SBF2: variants seen among roughly 807,000 people sequenced by gnomAD.
SBF2 encodes the protein SET binding factor 2, also known as myotubularin-related protein 13.
In SBF2, 112 loss-of-function variants were observed where a neutral mutation model predicts 225.2. That is an observed-to-expected ratio of 0.50 (90% confidence interval 0.43 to 0.58). SBF2 has a LOEUF of 0.58. SBF2 is among the 20% of genes least tolerant of loss of function. The probability of loss-of-function intolerance (pLI) is 0.00; values close to 1 mark genes in which losing one functional copy is unlikely to be tolerated. For missense variants in SBF2, 1,996 were observed against 2,206.2 expected (o/e 0.90, Z 1.91); for synonymous variants, 763 against 773.3 (o/e 0.99, Z 0.22).
At chr11:10,153,401 A>G (rs1955313391) in intron 2 of SBF2, among the ~76,000 whole-genome samples, 2 of 152,198 alleles carry the variant, frequency 1.3e-5, no homozygotes, top group Non-Finnish European at 2.9e-5. Flanking sequence ...AAAATCTCAC[A>G]ATATTAGGAA....
At chr11:10,220,048 T>C (rs1388154944) in intron 1 of SBF2, among the ~76,000 whole-genome samples, 1 of 152,210 alleles carries the variant, frequency 6.6e-6, no homozygotes, top group Non-Finnish European at 1.5e-5. Flanking sequence ...TCTGTTCTGA[T>C]GCTGCTAATA....
chr11:9,855,983 C>T (rs148587433), intron 19 of SBF2, among the ~76,000 whole-genome samples: 12 of 152,246 alleles, frequency 7.9e-5, no homozygotes, highest in Middle Eastern at 3.4e-3. Flanking sequence ...AGCCAGAGGA[C>T]GGATTCCGTT....
intron 2 of SBF2, among the ~76,000 whole-genome samples, chr11:10,045,375 C>T (rs1949814951): frequency 6.6e-6 from 1 of 152,064 alleles, no homozygotes; most frequent in Non-Finnish European, 1.5e-5. Flanking sequence ...CAATGTTGGC[C>T]AGGCTGGTCT....
chr11:10,176,720 G>C (rs1956480843), intron 2 of SBF2, among the ~76,000 whole-genome samples: 1 of 152,126 alleles, frequency 6.6e-6, no homozygotes, highest in African/African-American at 2.4e-5. Context: ...ACCAAAAAGA[G>C]TCCAGGACCA....
At chr11:10,096,925 A>C (rs1477543354) in intron 2 of SBF2, among the ~76,000 whole-genome samples, 1 of 152,222 alleles carries the variant, frequency 6.6e-6, no homozygotes, top group Admixed American at 6.5e-5. Flanking sequence ...ATGTATATAA[A>C]GGATGAATAA....
chr11:9,918,924 A>G (rs1436413858), intron 16 of SBF2, among the ~76,000 whole-genome samples: 1 of 151,320 alleles, frequency 6.6e-6, no homozygotes, highest in African/African-American at 2.4e-5. Flanking sequence ...ATTTTTTTTT[A>G]GTAGAGACGC....
chr11:9,928,539 A>G (rs921387887), intron 16 of SBF2, among the ~76,000 whole-genome samples: 2 of 152,196 alleles, frequency 1.3e-5, no homozygotes, highest in Non-Finnish European at 2.9e-5. Context: ...CACAGCTTGG[A>G]CATTTCTTAA....
At chr11:10,239,903 T>C (rs1959185067) in intron 1 of SBF2, among the ~76,000 whole-genome samples, 1 of 152,178 alleles carries the variant, frequency 6.6e-6, no homozygotes, top group Non-Finnish European at 1.5e-5. Context: ...TTTTTATCTT[T>C]GTAAGAAGAA....
intron 2 of SBF2, among the ~76,000 whole-genome samples, chr11:10,142,209 A>T (rs1954681616): frequency 6.6e-6 from 1 of 152,214 alleles, no homozygotes; most frequent in Non-Finnish European, 1.5e-5. Context: ...GAAATACTGC[A>T]CAAAAGCTTA....
At chr11:9,789,800 GT>G (rs932300125) in intron 34 of SBF2, among the ~76,000 whole-genome samples, 1 of 152,220 alleles carries the variant, frequency 6.6e-6, no homozygotes, top group Non-Finnish European at 1.5e-5. Flanking sequence ...GGGCCTTGGG[GT>G]CCATGCACTG....
chr11:10,074,326 T>G (rs1208886702), intron 2 of SBF2, among the ~76,000 whole-genome samples: 1 of 152,156 alleles, frequency 6.6e-6, no homozygotes, highest in African/African-American at 2.4e-5. Context: ...TGATAAATAA[T>G]AAATACCAAA....
chr11:10,259,212 T>C (rs1443458353), intron 1 of SBF2, among the ~76,000 whole-genome samples: 1 of 152,206 alleles, frequency 6.6e-6, no homozygotes, highest in African/African-American at 2.4e-5. Context: ...GCACAGGTTG[T>C]AGAGTTAGAA....
At chr11:9,811,324 AC>A (rs1322879987) in intron 30 of SBF2, 1 of 152,228 alleles carries the variant, frequency 6.6e-6, no homozygotes, top group African/African-American at 2.4e-5. Flanking sequence ...CTACATATGT[AC>A]CCCTGAACAC....
At chr11:10,298,231 A>C (rs1218906749), upstream of SBF2, among the ~76,000 whole-genome samples, 2 of 152,124 alleles carry the variant, frequency 1.3e-5, no homozygotes, top group Admixed American at 6.5e-5. Context: ...TCTCTACTAA[A>C]AACACAAAAA....
At chr11:9,953,198 C>T (rs1027444953) in intron 16 of SBF2, among the ~76,000 whole-genome samples, 1 of 152,198 alleles carries the variant, frequency 6.6e-6, no homozygotes, top group African/African-American at 2.4e-5. Context: ...GTAATCCCAG[C>T]ACTTTGGGAG....
At chr11:9,909,495 C>T (rs1862408737) in intron 16 of SBF2, among the ~76,000 whole-genome samples, 1 of 152,018 alleles carries the variant, frequency 6.6e-6, no homozygotes, top group South Asian at 2.1e-4. Flanking sequence ...CACAGTGAAA[C>T]CCCACCTCTA....
chr11:10,088,862 C>T (rs754380449), intron 2 of SBF2, among the ~76,000 whole-genome samples: 3 of 152,140 alleles, frequency 2.0e-5, no homozygotes, highest in Non-Finnish European at 2.9e-5. Flanking sequence ...AGTAAACTTC[C>T]GCAGGGCAAG....
At chr11:9,785,426 G>C in intron 36 of SBF2, 108 bp from the exon 37 acceptor site, 1 of 898,452 alleles carries the variant, frequency 1.1e-6, no homozygotes, top group Non-Finnish European at 1.8e-6. Flanking sequence ...GGACTAATAA[G>C]CAACAATAAT....
At chr11:9,973,207 A>G (rs900858697) in intron 13 of SBF2, among the ~76,000 whole-genome samples, 1 of 152,238 alleles carries the variant, frequency 6.6e-6, no homozygotes, top group Non-Finnish European at 1.5e-5. Context: ...TATTCTGCAT[A>G]TACTTAAAAA....
Sources: allele counts gnomAD v4.1 joint callset (sites outside exome capture counted in the v4.1 genomes callset), GRCh38; gene constraint gnomAD v4.1.1; transcripts MANE v1.5; gene names NCBI Gene and HGNC (gene_info 2026-07-23, HGNC 2026-07-21).